CNTN4: variants seen among roughly 807,000 people sequenced by gnomAD.
CNTN4 encodes contactin-4.
Under a neutral mutation model 122.5 loss-of-function variants are expected in CNTN4, and 77 were observed. That is an observed-to-expected ratio of 0.63 (90% CI 0.52 to 0.76). CNTN4 has a LOEUF of 0.76. CNTN4 is among the 30% of genes least tolerant of loss of function. CNTN4 has a pLI of 0.00. For missense variants in CNTN4, 1,256 were observed against 1,259.1 expected (o/e 1.00, Z 0.04); for synonymous variants, 512 against 447.0 (o/e 1.15, Z -1.83).
chr3:2,991,804 T>G (rs1695074228), intron 14 of CNTN4, among the ~76,000 whole-genome samples: 1 of 152,142 alleles, frequency 6.6e-6, no homozygotes. Context: ...TGTAACAGCT[T>G]AGCCCGAAAT....
At chr3:2,855,322 A>G (rs1338256234) in intron 7 of CNTN4, among the ~76,000 whole-genome samples, 1 of 152,190 alleles carries the variant, frequency 6.6e-6, no homozygotes, top group Non-Finnish European at 1.5e-5. Context: ...GTCTGTTTTA[A>G]TCCCAAATCT....
At chr3:2,336,302 T>A (rs71309887) in intron 2 of CNTN4, among the ~76,000 whole-genome samples, 11,668 of 152,144 alleles carry the variant, frequency 0.077, 508 homozygotes, top group Middle Eastern at 0.079. Context: ...TTGGTCTGTT[T>A]CTTTTCTCCT....
chr3:3,038,297 T>G (rs948842676), intron 18 of CNTN4, among the ~76,000 whole-genome samples: 1 of 152,120 alleles, frequency 6.6e-6, no homozygotes, highest in African/African-American at 2.4e-5. Context: ...TTTCCTCTCT[T>G]TTATAGAGAA....
At chr3:2,873,212 A>G (rs1036967196) in intron 8 of CNTN4, among the ~76,000 whole-genome samples, 4 of 152,182 alleles carry the variant, frequency 2.6e-5, no homozygotes, top group Non-Finnish European at 5.9e-5. Flanking sequence ...AAAATGGGTG[A>G]TTTATAATAA....
At chr3:3,034,484 T>G in intron 16 of CNTN4, 148 bp from the exon 17 acceptor site, 1 of 839,642 alleles carries the variant, frequency 1.2e-6, no homozygotes, top group Non-Finnish European at 1.9e-6. Flanking sequence ...TCCAAGCACG[T>G]AGTAGGAGTT....
intron 2 of CNTN4, among the ~76,000 whole-genome samples, chr3:2,316,054 C>T (rs1455545249): frequency 6.6e-6 from 1 of 151,980 alleles, no homozygotes; most frequent in Non-Finnish European, 1.5e-5. Flanking sequence ...AATGTCACCT[C>T]CCAAATGTCT....
At chr3:2,890,299 C>T (rs1410203802) in intron 10 of CNTN4, among the ~76,000 whole-genome samples, 1 of 152,144 alleles carries the variant, frequency 6.6e-6, no homozygotes, top group African/African-American at 2.4e-5. Flanking sequence ...TGGGTCTTCC[C>T]AGTGCTGTGT....
chr3:2,756,488 A>G (rs1013538306), intron 6 of CNTN4, among the ~76,000 whole-genome samples: 1 of 152,190 alleles, frequency 6.6e-6, no homozygotes, highest in Non-Finnish European at 1.5e-5. Flanking sequence ...TGAGAAATAC[A>G]TTTCTGTTAA....
chr3:2,582,903 CAA>C (rs10554418), intron 4 of CNTN4, among the ~76,000 whole-genome samples: 16,945 of 140,670 alleles, frequency 0.12, 990 homozygotes, highest in Non-Finnish European at 0.15. Context: ...AGTTCTGATA[CAA>C]AAAAAAAAAA....
intron 12 of CNTN4, among the ~76,000 whole-genome samples, 190 bp downstream of exon 12, chr3:2,903,195 C>T (rs2094193920): frequency 6.6e-6 from 1 of 152,184 alleles, no homozygotes; most frequent in African/African-American, 2.4e-5. Flanking sequence ...TCTAAATCCG[C>T]CTCTTCTGAT....
At chr3:2,888,522 A>T (rs1164660886) in intron 10 of CNTN4, among the ~76,000 whole-genome samples, 1 of 151,124 alleles carries the variant, frequency 6.6e-6, no homozygotes, top group East Asian at 1.9e-4. Flanking sequence ...CAGGGCCAAA[A>T]CCTCCACCCT....
chr3:2,885,671 C>T (rs1332864594), intron 9 of CNTN4, among the ~76,000 whole-genome samples: 1 of 152,158 alleles, frequency 6.6e-6, no homozygotes, highest in African/African-American at 2.4e-5. Flanking sequence ...TGCTACATAA[C>T]CAACTTAGAG....
chr3:2,246,287 T>A (rs1559375958), intron 2 of CNTN4, among the ~76,000 whole-genome samples: 1 of 152,026 alleles, frequency 6.6e-6, no homozygotes, highest in Non-Finnish European at 1.5e-5. Flanking sequence ...ATGCAATCAT[T>A]TACTTATTCA....
intron 3 of CNTN4, among the ~76,000 whole-genome samples, chr3:2,368,029 CTTTTTT>C (rs549023861): frequency 9.1e-6 from 1 of 109,816 alleles, no homozygotes; most frequent in Non-Finnish European, 1.8e-5. Context: ...TAGAAAACTT[CTTTTTT>C]TTTTTTTTTT....
chr3:2,309,166 G>A (rs1056343311), intron 2 of CNTN4, among the ~76,000 whole-genome samples: 1 of 151,898 alleles, frequency 6.6e-6, no homozygotes, highest in African/African-American at 2.4e-5. Flanking sequence ...AAGTTTATAG[G>A]TATTATTTTT....
chr3:2,938,237 G>A (rs2094582806), intron 13 of CNTN4, among the ~76,000 whole-genome samples: 1 of 151,862 alleles, frequency 6.6e-6, no homozygotes, highest in South Asian at 2.1e-4. Flanking sequence ...CTCTAGTCCT[G>A]TATTTCATGG....
chr3:2,914,352 T>A (rs1031355951), intron 12 of CNTN4, among the ~76,000 whole-genome samples: 14 of 151,858 alleles, frequency 9.2e-5, no homozygotes, highest in Admixed American at 3.3e-4. Flanking sequence ...AGGAAAAAAA[T>A]CAGTGTAAAC....
chr3:2,187,616 G>T (rs150816001), intron 2 of CNTN4, among the ~76,000 whole-genome samples: 42 of 152,220 alleles, frequency 2.8e-4, no homozygotes, highest in African/African-American at 9.4e-4. Flanking sequence ...ATTCTGCCGG[G>T]TTCCGTCTTA....
chr3:2,386,143 T>G (rs1053106642), intron 3 of CNTN4, among the ~76,000 whole-genome samples: 19 of 152,118 alleles, frequency 1.2e-4, no homozygotes, highest in African/African-American at 4.6e-4. Flanking sequence ...TATCTTCATA[T>G]CTCATTGCCT....
Sources: gnomAD v4.1 joint callset for allele counts (sites outside exome capture counted in the v4.1 genomes callset) on GRCh38, gnomAD v4.1.1 for gene constraint, MANE v1.5 for transcripts, NCBI Gene and HGNC (gene_info 2026-07-23, HGNC 2026-07-21) for gene names.